Variants in NUP107 observed in about 807,000 individuals in gnomAD.
NUP107 encodes nuclear pore complex protein Nup107.
Under a neutral mutation model 141.0 loss-of-function variants are expected in NUP107, and 101 were observed. That is an observed-to-expected ratio of 0.72 (90% CI 0.61 to 0.84). The LOEUF (loss-of-function observed/expected upper bound fraction) is 0.84. Among genes scored for constraint, NUP107 ranks in the 40% least tolerant of loss-of-function variants. NUP107 has a pLI of 0.00. For missense variants in NUP107, 941 were observed against 1,102.7 expected, an observed-to-expected ratio of 0.85 and a Z score of 2.08; for synonymous variants, 319 against 363.9, an observed-to-expected ratio of 0.88 and a Z score of 1.41.
At chr12:68,700,980 G>A (rs1876302414) in intron 7 of NUP107, 127 bp downstream of exon 7, 2 of 852,184 alleles carry the variant, frequency 2.3e-6, no homozygotes, top group African/African-American at 1.7e-5. Flanking sequence ...TTATCATTTC[G>A]AATACCTTAG....
At chr12:68,716,170 G>T (rs1877097217) in intron 12 of NUP107, among the ~76,000 whole-genome samples, 1 of 151,184 alleles carries the variant, frequency 6.6e-6, no homozygotes, top group African/African-American at 2.4e-5. Context: ...GGGATTACAG[G>T]CATGAGACAC....
intron 14 of NUP107, 29 bp downstream of exon 14, chr12:68,719,683 T>C (rs1369031962): frequency 7.0e-7 from 1 of 1,438,768 alleles, no homozygotes. Context: ...TCAGTGATAC[T>C]GTTTTTAACT....
rs1361479675 is a variant in NUP107 at position 68,731,600 on chromosome 12, T to C, written c.1886-7T>C. 6.6e-7 allele frequency: 1 copy of C among 1,507,556 alleles called. No homozygotes were observed. The highest frequency in any genetic ancestry group is 8.9e-7 in the Non-Finnish European group (1 of 1,123,084). The allele number at this position is 1,507,556 out of a possible 1,614,324, so 93.4% of individuals were successfully genotyped here. A position where few individuals can be genotyped will look rare whatever the true frequency, so the allele number is the denominator to read the frequency against. ...TTTGTTTTTTGTCGCTTCAAAAAAT[T>C]ATTTAGATTTGGATGTTGCAACAAT... On this transcript the variant is annotated splice_region_variant and splice_polypyrimidine_tract_variant and intron_variant, in intron 21 of 27. Coordinates refer to ENST00000229179, the MANE Select transcript of NUP107 (RefSeq NM_020401.4).
intron 17 of NUP107, among the ~76,000 whole-genome samples, chr12:68,723,499 G>A (rs185279958): frequency 5.3e-5 from 8 of 152,304 alleles, no homozygotes; most frequent in Non-Finnish European, 1.0e-4. Flanking sequence ...GGGAGGCTGA[G>A]GCAGGAGAAT....
chr12:68,734,107 C>T (rs1181124288), intron 24 of NUP107, among the ~76,000 whole-genome samples: 3 of 152,026 alleles, frequency 2.0e-5, no homozygotes, highest in Non-Finnish European at 2.9e-5. Flanking sequence ...CCCTGCATCT[C>T]TACAAAAAAA....
chr12:68,735,428 C>T (rs1251251413), intron 26 of NUP107, 84 bp downstream of exon 26: 2 of 934,438 alleles, frequency 2.1e-6, no homozygotes, highest in Non-Finnish European at 3.5e-6. Flanking sequence ...TAAATGGGAG[C>T]ATCTACAGAT....
At position 68,731,691 on chromosome 12, in the gene NUP107, C is replaced by A; in HGVS notation, c.1970C>A (p.Ala657Asp). ...GGTGAATTTAGTCATCATGACCTGG[C>A]CCCAGCCCTAGATACTGGCACTACT... is the stretch of plus-strand genomic sequence containing the variant. Reference protein sequence around the residue: ...DNGEFSHHDLAPALDTGTTEE... With the variant: ...DNGEFSHHDLDPALDTGTTEE... The change falls in exon 22 of 28, where the codon GCC (alanine) becomes GAC (aspartate). Residue 657 changes from alanine to aspartate, a missense_variant. Physicochemically the swap from Ala to Asp is moderately radical, Grantham distance 126. Transcript: ENST00000229179. 6.3e-7 allele frequency: 1 copy of A among 1,579,578 alleles called. No homozygotes were observed. Among genetic ancestry groups the A allele is most frequent in the South Asian group, 1.2e-5 (1 of 84,756 alleles).
chr12:68,720,192 C>G (rs1390050226), intron 14 of NUP107, among the ~76,000 whole-genome samples: 1 of 152,138 alleles, frequency 6.6e-6, no homozygotes, highest in African/African-American at 2.4e-5. Context: ...TACTCAAAAA[C>G]TTCATTAGTG....
chr12:68,715,576 T>A (rs772058472), intron 11 of NUP107, 51 bp from the exon 12 acceptor site: 1 of 937,368 alleles, frequency 1.1e-6, no homozygotes, highest in Non-Finnish European at 1.8e-6. Flanking sequence ...GTAAAATGTA[T>A]GTAAGTACAA....
At chr12:68,739,029 G>C (rs1878205256) in intron 26 of NUP107, among the ~76,000 whole-genome samples, 1 of 151,424 alleles carries the variant, frequency 6.6e-6, no homozygotes, top group South Asian at 2.1e-4. Flanking sequence ...CTATATCCTG[G>C]CATTCTGGGC....
chr12:68,692,749 A>ATTT (rs35628849), intron 5 of NUP107, among the ~76,000 whole-genome samples: 6 of 135,382 alleles, frequency 4.4e-5, no homozygotes, highest in Non-Finnish European at 4.7e-5. Context: ...TGCCTAGCTA[A>ATTT]TTTTTTTTTT....
At chr12:68,742,127 C>T (rs1878344103) in intron 27 of NUP107, 147 bp downstream of exon 27, 2 of 750,248 alleles carry the variant, frequency 2.7e-6, no homozygotes, top group African/African-American at 1.8e-5. Context: ...AATGTTTGTA[C>T]TTTTTTCCCA....
rs187240513 is a variant in NUP107, at chr12:68,716,186, C to T, written c.1083+446C>T. Among the ~76,000 whole-genome samples the T allele has an allele frequency of 6.6e-5, 10 of 151,392 alleles. 1 individual carries two copies. The highest frequency in any genetic ancestry group is 5.3e-4 in the Admixed American group (8 of 15,180). On this transcript the variant is annotated intron_variant, in intron 12 of 27. Coordinates refer to ENST00000229179, the MANE Select transcript of NUP107 (RefSeq NM_020401.4). ...GGATTACAGGCATGAGACACTGCACCTGGCCCAATCTCCATTCATTTTTTT... is the reference window on the plus strand; with the variant it reads ...GGATTACAGGCATGAGACACTGCACTTGGCCCAATCTCCATTCATTTTTTT...
intron 6 of NUP107, among the ~76,000 whole-genome samples, chr12:68,698,767 T>C (rs1223732669): frequency 6.6e-6 from 1 of 152,114 alleles, no homozygotes; most frequent in African/African-American, 2.4e-5. Flanking sequence ...AGATCATCAG[T>C]TGCCAGGAGT....
At chr12:68,700,641 T>C (rs1876283726) in intron 6 of NUP107, 85 bp from the exon 7 acceptor site, 1 of 874,916 alleles carries the variant, frequency 1.1e-6, no homozygotes, top group Admixed American at 3.6e-5. Context: ...AATACAATTA[T>C]TTTAGCACTC....
rs10713889 is a variant in NUP107, at chr12:68,736,717, C to CTTTTTTTTTTT, written c.2502+1385_2502+1395dup. Among the ~76,000 whole-genome samples the CTTTTTTTTTTT allele has an allele frequency of 6.8e-4, 72 of 105,878 alleles. 1 individual carries two copies. Among genetic ancestry groups the CTTTTTTTTTTT allele is most frequent in the Non-Finnish European group, 1.0e-3 (55 of 54,302 alleles). 69.5% of individuals were successfully genotyped at this position (105,878 alleles called of 152,430 possible). A position where few individuals can be genotyped will look rare whatever the true frequency, so the allele number is the denominator to read the frequency against. On this transcript the variant is annotated intron_variant, in intron 26 of 27. Transcript: ENST00000229179. The stretch of plus-strand genomic sequence containing the variant: ...CAGGCATGAGTCAATGTGTCGCCAC[C>CTTTTTTTTTTT]TTTTTTTTTTTTTTTTTTTTTTGAG...
intron 12 of NUP107, among the ~76,000 whole-genome samples, chr12:68,717,943 T>A (rs1328059433): frequency 6.6e-6 from 1 of 152,230 alleles, no homozygotes; most frequent in Non-Finnish European, 1.5e-5. Flanking sequence ...TCAATCAGGC[T>A]TTCTGGGTTC....
At chr12:68,689,077 A>G (rs201135986) in intron 2 of NUP107, 24 bp downstream of exon 2, 156 of 1,552,332 alleles carry the variant, frequency 1.0e-4, no homozygotes, top group African/African-American at 9.9e-4. Flanking sequence ...TTTAAGCATC[A>G]TTATAAAAAT....
At chr12:68,739,836 CAA>C (rs11320136) in intron 26 of NUP107, 37 of 106,312 alleles carry the variant, frequency 3.5e-4, no homozygotes, top group Middle Eastern at 5.2e-3. Context: ...GACTCCGTCT[CAA>C]AAAAAAAAAA....
Sources: gnomAD v4.1 joint callset for allele counts (sites outside exome capture counted in the v4.1 genomes callset) on GRCh38, gnomAD v4.1.1 for gene constraint, MANE v1.5 for transcripts, NCBI Gene and HGNC (gene_info 2026-07-23, HGNC 2026-07-21) for gene names.